DISC1: variants seen among roughly 807,000 people sequenced by gnomAD.
The protein encoded by DISC1 is DISC1 scaffold protein, also known as disrupted in schizophrenia 1 protein.
In DISC1, 57 loss-of-function variants were observed where a neutral mutation model predicts 84.5. The ratio of observed to expected loss-of-function variants is 0.67; its 90% confidence interval spans 0.55 to 0.84. DISC1 has a LOEUF of 0.84. Ranked by LOEUF, DISC1 falls within the 40% of genes least tolerant of loss-of-function variation. The pLI is 0.00. For missense variants in DISC1, 1,000 were observed against 1,057.8 expected (o/e 0.95, Z 0.76); for synonymous variants, 411 against 415.2 (o/e 0.99, Z 0.12).
chr1:231,881,064 T>G lies in DISC1; in HGVS notation c.1981+62547T>G, dbSNP rs1025489943. On this transcript the variant is annotated intron_variant, in intron 9 of 12. Transcript: ENST00000439617. ...TGCTGCAAGCTGGGTTTATTTTCCT[T>G]TCTCCCCTCTCTTTCTTCCCTGACG... Among the ~76,000 whole-genome samples, 8 of 152,106 alleles carry G rather than the reference T, an allele frequency of 5.3e-5. No homozygotes were observed. In the South Asian group the frequency reaches 1.2e-3, roughly 24 times the overall value.
chr1:231,901,588 T>A (rs2088181361), intron 9 of DISC1, among the ~76,000 whole-genome samples: 1 of 152,230 alleles, frequency 6.6e-6, no homozygotes, highest in Non-Finnish European at 1.5e-5. Flanking sequence ...GCACCTTTAA[T>A]GAAATCAGGC....
At chr1:231,956,720 C>T (rs1659575517) in intron 9 of DISC1, among the ~76,000 whole-genome samples, 1 of 152,148 alleles carries the variant, frequency 6.6e-6, no homozygotes, top group Non-Finnish European at 1.5e-5. Flanking sequence ...GTGGGGGGGA[C>T]TTGTCTCCAT....
At chr1:231,928,856 G>A (rs2090495311) in intron 9 of DISC1, among the ~76,000 whole-genome samples, 1 of 152,188 alleles carries the variant, frequency 6.6e-6, no homozygotes, top group South Asian at 2.1e-4. Flanking sequence ...TTTCCATGTA[G>A]TTGTGCGGTT....
intron 3 of DISC1, among the ~76,000 whole-genome samples, chr1:231,716,832 C>T (rs372575593): frequency 1.3e-5 from 2 of 152,200 alleles, no homozygotes; most frequent in East Asian, 1.9e-4. Flanking sequence ...ATAATGGCAA[C>T]GAGATGGCGC....
At chr1:231,669,568 TG>T (rs57408152) in intron 1 of DISC1, among the ~76,000 whole-genome samples, 6,222 of 151,942 alleles carry the variant, frequency 0.041, 415 homozygotes, top group African/African-American at 0.14. Context: ...GCAAAGGACA[TG>T]AACAGACACT....
chr1:231,696,035 G>A (rs11586191), intron 2 of DISC1, among the ~76,000 whole-genome samples: 1 of 151,792 alleles, frequency 6.6e-6, no homozygotes, highest in Non-Finnish European at 1.5e-5. Flanking sequence ...GTCTTTCCCC[G>A]AAACCCGTTC....
chr1:231,726,330 A>C (rs1357377612), intron 3 of DISC1, among the ~76,000 whole-genome samples: 1 of 152,166 alleles, frequency 6.6e-6, no homozygotes, highest in Non-Finnish European at 1.5e-5. Context: ...TTGCCCATGC[A>C]GCTGTGGGCA....
At chr1:231,904,740 G>A (rs2088498320) in intron 9 of DISC1, among the ~76,000 whole-genome samples, 1 of 151,978 alleles carries the variant, frequency 6.6e-6, no homozygotes, top group African/African-American at 2.4e-5. Flanking sequence ...AGAGTTCTTT[G>A]GAGCAATTGC....
intron 3 of DISC1, among the ~76,000 whole-genome samples, chr1:231,712,928 A>G (rs2068064609): frequency 2.0e-5 from 3 of 152,344 alleles, no homozygotes; most frequent in East Asian, 3.9e-4. Context: ...CAAAAGCACC[A>G]TGTATACAGG....
chr1:231,660,989 C>T (rs1012710645), intron 1 of DISC1, among the ~76,000 whole-genome samples: 2 of 152,096 alleles, frequency 1.3e-5, no homozygotes, highest in Non-Finnish European at 2.9e-5. Flanking sequence ...TCTTATTTCT[C>T]CTTCATTTAT....
At chr1:231,827,210 A>T (rs1241921017) in intron 9 of DISC1, among the ~76,000 whole-genome samples, 1 of 151,652 alleles carries the variant, frequency 6.6e-6, no homozygotes, top group Non-Finnish European at 1.5e-5. Flanking sequence ...CTGGTCTTGA[A>T]CTCCTGACCT....
chr1:231,699,175 G>C (rs901926433), intron 2 of DISC1, among the ~76,000 whole-genome samples: 1 of 152,118 alleles, frequency 6.6e-6, no homozygotes, highest in Non-Finnish European at 1.5e-5. Context: ...CTTCAGCGTA[G>C]AGGTAACCCC....
chr1:231,981,384 G>A (rs1317538403), intron 10 of DISC1, among the ~76,000 whole-genome samples: 2 of 152,180 alleles, frequency 1.3e-5, no homozygotes, highest in Non-Finnish European at 2.9e-5. Context: ...CTGTGACTTT[G>A]GACAGAAGAC....
chr1:231,818,074 G>T (rs199922504), intron 8 of DISC1, among the ~76,000 whole-genome samples: 3 of 152,108 alleles, frequency 2.0e-5, no homozygotes, highest in Admixed American at 6.5e-5. Context: ...TACGGGAGAT[G>T]GCTTCACCAA....
chr1:231,907,342 G>T (rs1396148082), intron 9 of DISC1, among the ~76,000 whole-genome samples: 1 of 149,544 alleles, frequency 6.7e-6, no homozygotes, highest in Non-Finnish European at 1.5e-5. Flanking sequence ...ACAGGCCCCA[G>T]TGTGTGATGT....
chr1:231,872,373 T>A (rs1322216951), intron 9 of DISC1, among the ~76,000 whole-genome samples: 1 of 152,190 alleles, frequency 6.6e-6, no homozygotes, highest in Non-Finnish European at 1.5e-5. Flanking sequence ...CTAACTCCTT[T>A]TATTGATTTA....
At chr1:231,853,486 T>A (rs534358009) in intron 9 of DISC1, among the ~76,000 whole-genome samples, 1 of 152,318 alleles carries the variant, frequency 6.6e-6, no homozygotes, top group Admixed American at 6.5e-5. Context: ...TCTGAACATA[T>A]CTAAACAGAA....
At chr1:231,945,692 T>G (rs2126143356) in intron 9 of DISC1, among the ~76,000 whole-genome samples, 1 of 152,128 alleles carries the variant, frequency 6.6e-6, no homozygotes, top group South Asian at 2.1e-4. Context: ...TTTGAAAAGA[T>G]CAACAAGACA....
chr1:231,791,982 T>C (rs888302080), intron 6 of DISC1, among the ~76,000 whole-genome samples: 5 of 152,180 alleles, frequency 3.3e-5, no homozygotes, highest in Admixed American at 6.5e-5. Flanking sequence ...TTTATAGTGC[T>C]GTGTAAACTT....
Sources: gnomAD v4.1 joint callset for allele counts (sites outside exome capture counted in the v4.1 genomes callset) on GRCh38, gnomAD v4.1.1 for gene constraint, MANE v1.5 for transcripts, NCBI Gene and HGNC (gene_info 2026-07-23, HGNC 2026-07-21) for gene names.